EIPR1: variants seen among roughly 807,000 people sequenced by gnomAD.
The protein encoded by EIPR1 is EARP and GARP complex-interacting protein 1.
EIPR1 carries 25 observed loss-of-function variants against 48.1 expected under a neutral mutation model. That is an observed-to-expected ratio of 0.52 (90% CI 0.38 to 0.73). EIPR1 has a LOEUF of 0.73. Among genes scored for constraint, EIPR1 ranks in the 30% least tolerant of loss-of-function variants. The pLI is 0.00. For missense variants in EIPR1, 415 were observed against 506.2 expected, an observed-to-expected ratio of 0.82 and a Z score of 1.73; for synonymous variants, 204 against 201.9, an observed-to-expected ratio of 1.01 and a Z score of -0.09.
intron 1 of EIPR1, among the ~76,000 whole-genome samples, chr2:3,374,453 T>C (rs1421626637): frequency 6.6e-6 from 1 of 151,710 alleles, no homozygotes; most frequent in Non-Finnish European, 1.5e-5. Flanking sequence ...ACCTACAAAA[T>C]GGGAGAAAAT....
chr2:3,352,071 C>T (rs576316714), intron 2 of EIPR1, among the ~76,000 whole-genome samples: 17 of 141,154 alleles, frequency 1.2e-4, no homozygotes, highest in Admixed American at 5.7e-4. Context: ...ACAGAAGCGA[C>T]CTGCCCCTGA....
chr2:3,222,797 G>C (rs1558233958), intron 4 of EIPR1, among the ~76,000 whole-genome samples: 2 of 152,192 alleles, frequency 1.3e-5, no homozygotes, highest in Non-Finnish European at 2.9e-5. Flanking sequence ...CGCTTTCAGA[G>C]AGACCAGATC....
At chr2:3,306,493 T>G (rs34053655) in intron 3 of EIPR1, among the ~76,000 whole-genome samples, 10,908 of 152,250 alleles carry the variant, frequency 0.072, 415 homozygotes, top group African/African-American at 0.097. Context: ...AAAATCTGTG[T>G]GTAACTTTTG....
intron 4 of EIPR1, among the ~76,000 whole-genome samples, chr2:3,239,739 C>G (rs558216198): frequency 3.3e-5 from 5 of 152,122 alleles, no homozygotes; most frequent in African/African-American, 1.2e-4. Flanking sequence ...GCCCTCAGCA[C>G]GGTGCAGACA....
intron 3 of EIPR1, among the ~76,000 whole-genome samples, chr2:3,266,347 A>G (rs2103234359): frequency 6.6e-6 from 1 of 152,346 alleles, no homozygotes; most frequent in South Asian, 2.1e-4. Flanking sequence ...GGATGAGGAC[A>G]AATGACAGCC....
intron 5 of EIPR1, among the ~76,000 whole-genome samples, chr2:3,197,686 A>C (rs1221935492): frequency 6.6e-6 from 1 of 152,212 alleles, no homozygotes; most frequent in Non-Finnish European, 1.5e-5. Flanking sequence ...TGTTGGCTGC[A>C]TCGTTATTTC....
chr2:3,200,081 A>G (rs11127383), intron 5 of EIPR1, among the ~76,000 whole-genome samples: 141,497 of 152,124 alleles, frequency 0.93, 65,886 homozygotes, highest in East Asian at 0.98. Context: ...GGGCCTCACT[A>G]AGAGCTGGGA....
At chr2:3,353,580 A>G (rs1425254456) in intron 2 of EIPR1, among the ~76,000 whole-genome samples, 4 of 152,210 alleles carry the variant, frequency 2.6e-5, no homozygotes, top group Non-Finnish European at 5.9e-5. Context: ...GCATTTTGAT[A>G]TTCTGATTGC....
intron 4 of EIPR1, among the ~76,000 whole-genome samples, chr2:3,248,121 G>A (rs549702948): frequency 2.0e-5 from 3 of 152,218 alleles, no homozygotes; most frequent in South Asian, 2.1e-4. Context: ...GTGAGTTCTC[G>A]CTCAGTTAGT....
intron 4 of EIPR1, among the ~76,000 whole-genome samples, chr2:3,234,245 G>A (rs1413634723): frequency 2.6e-5 from 4 of 152,304 alleles, no homozygotes; most frequent in East Asian, 1.9e-4. Flanking sequence ...GGTTTGTGTC[G>A]CTCAATGTCA....
chr2:3,359,077 G>A (rs1670797215), intron 1 of EIPR1, among the ~76,000 whole-genome samples: 1 of 152,200 alleles, frequency 6.6e-6, no homozygotes, highest in Non-Finnish European at 1.5e-5. Context: ...TAGGAGAGAG[G>A]AGACAAACAC....
chr2:3,231,762 T>C (rs4854145), intron 4 of EIPR1, among the ~76,000 whole-genome samples: 139,196 of 152,254 alleles, frequency 0.91, 64,122 homozygotes, highest in East Asian at 0.98. Flanking sequence ...GGACTTGCAC[T>C]TACTTTCATC....
chr2:3,219,835 A>C (rs1420849068), intron 4 of EIPR1, among the ~76,000 whole-genome samples: 1 of 152,180 alleles, frequency 6.6e-6, no homozygotes, highest in East Asian at 1.9e-4. Flanking sequence ...CAGTGAGTCC[A>C]TGCACATGAT....
At position 3,303,811 on chromosome 2, in the gene EIPR1, C is replaced by T. The variant is rs535928547; in HGVS notation, c.259+34206G>A. 2.9e-4 allele frequency among the ~76,000 whole-genome samples: 44 copies of T among 152,288 alleles called. No homozygotes were observed. The South Asian group carries it at 8.1e-3, about 28-fold the overall frequency. The stretch of plus-strand genomic sequence containing the variant: ...TCTGCTGGCAGACGGCGGGATCCAT[C>T]GGGTGCTGGGAGGACCGGGAATCAC... On this transcript the variant is annotated intron_variant, in intron 3 of 8. Transcript: ENST00000382125.
chr2:3,255,247 A>T (rs546419987), intron 4 of EIPR1, among the ~76,000 whole-genome samples: 11 of 149,900 alleles, frequency 7.3e-5, no homozygotes, highest in Admixed American at 6.6e-4. Context: ...CAGTAGCCTG[A>T]TCTCAGCTCA....
chr2:3,308,118 C>T (rs1304375716), intron 3 of EIPR1, among the ~76,000 whole-genome samples: 1 of 152,198 alleles, frequency 6.6e-6, no homozygotes, highest in South Asian at 2.1e-4. Context: ...ATGAGGCCCA[C>T]TTGCACAGAC....
At chr2:3,293,692 A>C (rs1313570748) in intron 3 of EIPR1, among the ~76,000 whole-genome samples, 2 of 152,212 alleles carry the variant, frequency 1.3e-5, no homozygotes, top group East Asian at 3.8e-4. Context: ...TGTTGGATGC[A>C]GGTGGCCACA....
At chr2:3,225,439 T>A (rs753169196) in intron 4 of EIPR1, among the ~76,000 whole-genome samples, 3 of 152,050 alleles carry the variant, frequency 2.0e-5, no homozygotes, top group Non-Finnish European at 4.4e-5. Flanking sequence ...AAAGACAAGA[T>A]CTCCCTACAT....
intron 3 of EIPR1, among the ~76,000 whole-genome samples, chr2:3,281,569 A>G (rs1211391585): frequency 6.6e-6 from 1 of 152,152 alleles, no homozygotes; most frequent in Non-Finnish European, 1.5e-5. Flanking sequence ...AAAAGTCACT[A>G]TTATCACACA....
Sources: gnomAD v4.1 joint callset for allele counts (sites outside exome capture counted in the v4.1 genomes callset) on GRCh38, gnomAD v4.1.1 for gene constraint, MANE v1.5 for transcripts, NCBI Gene and HGNC (gene_info 2026-07-23, HGNC 2026-07-21) for gene names.